The following SPATA13 variants were observed in gnomAD, a reference collection of about 807,000 sequenced individuals.
SPATA13 encodes spermatogenesis associated 13.
Under a neutral mutation model 104.0 loss-of-function variants are expected in SPATA13, and 50 were observed. That is an observed-to-expected ratio of 0.48 (90% CI 0.38 to 0.61). SPATA13 has a LOEUF of 0.61. Ranked by LOEUF, SPATA13 falls within the 20% of genes least tolerant of loss-of-function variation. The probability of loss-of-function intolerance (pLI) is 0.00; values close to 1 mark genes in which losing one functional copy is unlikely to be tolerated. For missense variants in SPATA13, 1,524 were observed against 1,690.6 expected (o/e 0.90, Z 1.73); for synonymous variants, 606 against 667.5 (o/e 0.91, Z 1.42).
At chr13:24,182,378 C>A (rs1483260784) in intron 1 of SPATA13, among the ~76,000 whole-genome samples, 1 of 152,100 alleles carries the variant, frequency 6.6e-6, no homozygotes. Flanking sequence ...GCAGGCTGTA[C>A]AGGAAACATA....
rs117945245 is a variant in SPATA13, at chr13:24,051,195, T to C, written c.-112+33494T>C. Among the ~76,000 whole-genome samples, 742 of 152,298 alleles carry C rather than the reference T, an allele frequency of 4.9e-3. 3 individuals carry two copies. Among genetic ancestry groups the C allele is most frequent in the Non-Finnish European group, 8.1e-3 (554 of 68,028 alleles). On this transcript the variant is annotated intron_variant, in intron 3 of 14. Transcript: ENST00000424834. The surrounding 1 kb of genome is among the most constrained non-coding windows in gnomAD (Gnocchi z 4.2). ...GAGACCCTAGTTCTGCTCCCCAGTCTCCACGCAGCACATACCTTGTTGCAG... is the reference window on the plus strand; with the variant it reads ...GAGACCCTAGTTCTGCTCCCCAGTCCCCACGCAGCACATACCTTGTTGCAG...
At position 24,302,602 on chromosome 13, in the gene SPATA13, C is replaced by T. The variant is rs1008400662; in HGVS notation, c.3663C>T (p.Tyr1221=). ...CTCTCTCCCCTCCCGAGTCAGGCTA[C>T]AACAGGTGCCCTGTGGCCCCACCGC... ...QKAGHGKSKG[Y]NRCPVAPPHQ... is the part of the protein sequence containing the mutation. Residue 1221 remains tyrosine, a synonymous_variant, in exon 13 of 13, where the codon TAC becomes TAT. Transcript: ENST00000382108. 3 of 1,603,688 alleles carry T rather than the reference C, an allele frequency of 1.9e-6. No individual in the cohort carries two copies. Among genetic ancestry groups the T allele is most frequent in the Admixed American group, 1.7e-5 (1 of 59,336 alleles).
At chr13:24,266,524 A>G (rs1216591605) in intron 4 of SPATA13, among the ~76,000 whole-genome samples, 2 of 152,086 alleles carry the variant, frequency 1.3e-5, no homozygotes, top group East Asian at 3.9e-4. Flanking sequence ...GCCTCAAGTG[A>G]TCCTCCCACC....
chr13:24,064,944 A>G (rs1488587866), intron 3 of SPATA13, among the ~76,000 whole-genome samples: 1 of 150,602 alleles, frequency 6.6e-6, no homozygotes, highest in East Asian at 2.0e-4. Context: ...ATACTCCTCA[A>G]AGCTTCCATG....
intron 1 of SPATA13, among the ~76,000 whole-genome samples, chr13:24,195,906 T>C (rs1417206859): frequency 6.6e-6 from 1 of 152,222 alleles, no homozygotes; most frequent in Non-Finnish European, 1.5e-5. Flanking sequence ...GCAACCTCTG[T>C]AGGACTGGGG....
intron 1 of SPATA13, among the ~76,000 whole-genome samples, chr13:24,199,064 T>C (rs1870253889): frequency 1.3e-5 from 2 of 152,016 alleles, no homozygotes; most frequent in Non-Finnish European, 2.9e-5. Flanking sequence ...AATTTTTGTA[T>C]TTTTTACAGA....
intron 3 of SPATA13, among the ~76,000 whole-genome samples, chr13:24,111,518 C>A (rs1880638589): frequency 6.6e-6 from 1 of 151,962 alleles, no homozygotes; most frequent in Non-Finnish European, 1.5e-5. Flanking sequence ...AGTAATCCTC[C>A]CACCTCAGCC....
chr13:24,012,738 G>T (rs1876529264), intron 2 of SPATA13, among the ~76,000 whole-genome samples: 1 of 152,264 alleles, frequency 6.6e-6, no homozygotes, highest in Admixed American at 6.5e-5. Context: ...AATGGCACGG[G>T]CATAGGAGCA....
At chr13:24,096,965 C>A (rs993404108) in intron 3 of SPATA13, among the ~76,000 whole-genome samples, 1 of 152,304 alleles carries the variant, frequency 6.6e-6, no homozygotes, top group South Asian at 2.1e-4. Context: ...AAAGATCACT[C>A]AGGCCCCTTA....
chr13:24,042,842 G>A (rs188664359), intron 3 of SPATA13, among the ~76,000 whole-genome samples: 110 of 152,290 alleles, frequency 7.2e-4, no homozygotes, highest in African/African-American at 2.6e-3. Context: ...TCTGAGAATC[G>A]CATGTTGAGA....
chr13:24,075,452 A>G (rs1396814882), intron 3 of SPATA13, among the ~76,000 whole-genome samples: 1 of 152,196 alleles, frequency 6.6e-6, no homozygotes, highest in African/African-American at 2.4e-5. Flanking sequence ...AAGGGGAAAA[A>G]TCTTTTCATT....
chr13:24,035,212 AG>A (rs891466945), intron 3 of SPATA13, among the ~76,000 whole-genome samples: 2 of 152,196 alleles, frequency 1.3e-5, no homozygotes, highest in African/African-American at 4.8e-5. Flanking sequence ...TGGAATGCAG[AG>A]GTGCAATCTC....
intron 3 of SPATA13, among the ~76,000 whole-genome samples, chr13:24,030,372 T>C (rs374023423): frequency 1.3e-5 from 2 of 152,180 alleles, no homozygotes; most frequent in East Asian, 1.9e-4. Flanking sequence ...TAGGAGACTT[T>C]CCTTAAGAGC....
At chr13:24,194,632 C>T (rs574717182) in intron 1 of SPATA13, among the ~76,000 whole-genome samples, 12 of 152,292 alleles carry the variant, frequency 7.9e-5, no homozygotes, top group African/African-American at 2.9e-4. Flanking sequence ...CTCATTGATT[C>T]ACCACTCACC....
intron 2 of SPATA13, among the ~76,000 whole-genome samples, chr13:24,228,294 T>A (rs1257842639): frequency 6.6e-6 from 1 of 152,058 alleles, no homozygotes; most frequent in Admixed American, 6.6e-5. Context: ...TTTCTATTTT[T>A]TTAGTAGAGA....
intron 3 of SPATA13, among the ~76,000 whole-genome samples, chr13:24,147,322 G>A (rs2138465987): frequency 6.6e-6 from 1 of 152,260 alleles, no homozygotes; most frequent in East Asian, 1.9e-4. Context: ...AGTCTGCTTT[G>A]CTAAATGTGA....
At chr13:24,115,766 G>A (rs1338569084) in intron 3 of SPATA13, among the ~76,000 whole-genome samples, 3 of 152,184 alleles carry the variant, frequency 2.0e-5, no homozygotes, top group African/African-American at 4.8e-5. Flanking sequence ...AGGTATCAGC[G>A]GAGGCCGTAT....
chr13:24,093,944 C>T (rs1012569728), intron 3 of SPATA13, among the ~76,000 whole-genome samples: 1 of 138,336 alleles, frequency 7.2e-6, no homozygotes, highest in Admixed American at 7.2e-5. Context: ...GGCCTCTCCC[C>T]GTCCCGGAGG....
intron 1 of SPATA13, among the ~76,000 whole-genome samples, chr13:24,187,770 G>T (rs1358639329): frequency 6.6e-6 from 1 of 152,164 alleles, no homozygotes; most frequent in East Asian, 1.9e-4. Flanking sequence ...CTGCTTCACT[G>T]CTGGCCACTC....
Sources: gnomAD v4.1 joint callset for allele counts (sites outside exome capture counted in the v4.1 genomes callset) on GRCh38, gnomAD v4.1.1 for gene constraint, Gnocchi (gnomAD v3.1) non-coding constraint, MANE v1.5 for transcripts, NCBI Gene and HGNC (gene_info 2026-07-23, HGNC 2026-07-21) for gene names.